Variants in MTRF1L observed in about 807,000 individuals in gnomAD.
MTRF1L encodes mitochondrial translation release factor 1 like.
In MTRF1L, 29 loss-of-function variants were observed where a neutral mutation model predicts 40.0. The observed-to-expected ratio is 0.73, with a 90% CI of 0.54 to 0.99. MTRF1L has a LOEUF of 0.99. Among genes scored for constraint, MTRF1L ranks in the 50% least tolerant of loss-of-function variants. MTRF1L has a pLI of 0.00. For synonymous variants in MTRF1L, 150 were observed against 175.8 expected (o/e 0.85, Z 1.16); for missense variants, 412 against 464.5 (o/e 0.89, Z 1.04).
chr6:152,991,510 G>A lies in MTRF1L; in HGVS notation c.806-189C>T, dbSNP rs1778515763. 8.4e-6 allele frequency: 5 copies of A among 593,412 alleles called. No homozygotes were observed. In the Admixed American group the frequency reaches 1.7e-4, roughly 20 times the overall value. The allele number at this position is 593,412 out of a possible 1,614,324, so 36.8% of individuals were successfully genotyped here. ...GTTTATCAGAAAACTGAAAATTTAAGTTTTGAGCAATAGCACAAATAGCAC... is the reference window on the plus strand; with the variant it reads ...GTTTATCAGAAAACTGAAAATTTAAATTTTGAGCAATAGCACAAATAGCAC... On this transcript the variant is annotated intron_variant, in intron 5 of 6. Coordinates refer to ENST00000367233, the MANE Select transcript of MTRF1L (RefSeq NM_019041.7).
intron 1 of MTRF1L, among the ~76,000 whole-genome samples, chr6:153,001,081 C>T (rs1398480746): frequency 1.3e-5 from 2 of 152,082 alleles, no homozygotes; most frequent in Non-Finnish European, 2.9e-5. Flanking sequence ...CCATGTTACC[C>T]AGGCTGGTCT....
chr6:152,992,279 T>C (rs1214815723), intron 5 of MTRF1L, among the ~76,000 whole-genome samples: 1 of 152,196 alleles, frequency 6.6e-6, no homozygotes, highest in African/African-American at 2.4e-5. Context: ...TGGTGATACC[T>C]GTGAAAGACG....
chr6:152,992,608 G>T (rs553029306), intron 5 of MTRF1L, among the ~76,000 whole-genome samples: 140 of 152,100 alleles, frequency 9.2e-4, no homozygotes, highest in African/African-American at 3.2e-3. Flanking sequence ...CACCTGAAAG[G>T]ACCATCCACA....
intron 4 of MTRF1L, among the ~76,000 whole-genome samples, chr6:152,994,218 T>C (rs573582962): frequency 4.6e-4 from 70 of 152,306 alleles, no homozygotes; most frequent in Middle Eastern, 3.4e-3. Context: ...CAGAAGTCAT[T>C]ATAAAGGCAA....
At chr6:152,998,365 T>A in intron 2 of MTRF1L, 185 bp downstream of exon 2, 1 of 418,066 alleles carries the variant, frequency 2.4e-6, no homozygotes, top group East Asian at 4.1e-5. Flanking sequence ...AAACATCACA[T>A]CATATACCTT....
At chr6:152,993,310 CAAATTTT>C (rs1221653822) in intron 4 of MTRF1L, among the ~76,000 whole-genome samples, 1 of 151,564 alleles carries the variant, frequency 6.6e-6, no homozygotes, top group Non-Finnish European at 1.5e-5. Context: ...AAGGTTTTTT[CAAATTTT>C]TCTGAGTTTA....
intron 2 of MTRF1L, 128 bp downstream of exon 2, chr6:152,998,422 A>G (rs535779902): frequency 1.5e-4 from 93 of 610,332 alleles, no homozygotes; most frequent in African/African-American, 9.8e-4. Flanking sequence ...ATAAATCTAG[A>G]AAATAAATTT....
Position 152,992,856 on chromosome 6 carries a change from C to A in MTRF1L, c.805+1G>T. ...CATATATTGAAGGAATAAGTACACA[C>A]CTGTTGGAAGATGAACTATCCGGAC... is the stretch of plus-strand genomic sequence containing the variant. On this transcript the variant is annotated splice_donor_variant, in intron 5 of 6. Coordinates refer to ENST00000367233, the MANE Select transcript of MTRF1L (RefSeq NM_019041.7). LOFTEE classifies it high-confidence loss of function. 1.2e-6 allele frequency: 2 copies of A among 1,607,908 alleles called. No individual in the cohort carries two copies. Among genetic ancestry groups the A allele is most frequent in the Non-Finnish European group, 1.7e-6 (2 of 1,176,580 alleles).
chr6:152,991,689 G>C (rs1276199257), intron 5 of MTRF1L, among the ~76,000 whole-genome samples: 2 of 152,120 alleles, frequency 1.3e-5, no homozygotes, highest in African/African-American at 4.8e-5. Context: ...TGGGATTACA[G>C]GTGCCCGCCA....
intron 1 of MTRF1L, among the ~76,000 whole-genome samples, chr6:153,001,181 C>CT (rs1380476162): frequency 6.6e-6 from 1 of 152,156 alleles, no homozygotes; most frequent in African/African-American, 2.4e-5. Flanking sequence ...CCAAGGATCT[C>CT]TTACTTCTTG....
intron 2 of MTRF1L, 79 bp downstream of exon 2, chr6:152,998,471 A>G: frequency 1.9e-6 from 2 of 1,050,234 alleles, no homozygotes; most frequent in Non-Finnish European, 2.7e-6. Context: ...CAAGCTAGTC[A>G]CTTGTTTTTA....
intron 3 of MTRF1L, 179 bp downstream of exon 3, chr6:152,994,957 T>C (rs770597512): frequency 7.4e-5 from 54 of 734,602 alleles, no homozygotes; most frequent in Non-Finnish European, 1.1e-4. Context: ...ATTGAAAGAC[T>C]CTCCATTAGA....
At chr6:152,996,515 G>C (rs1425887660) in intron 2 of MTRF1L, among the ~76,000 whole-genome samples, 1 of 152,054 alleles carries the variant, frequency 6.6e-6, no homozygotes, top group South Asian at 2.1e-4. Context: ...TAGGTTATAG[G>C]AACATTAATT....
intron 4 of MTRF1L, 106 bp from the exon 5 acceptor site, chr6:152,993,080 T>TG: frequency 1.2e-6 from 1 of 834,162 alleles, no homozygotes; most frequent in Non-Finnish European, 1.9e-6. Context: ...TTCATATATT[T>TG]GGGAGGTTTA....
chr6:152,992,726 C>T, intron 5 of MTRF1L, 131 bp downstream of exon 5: 1 of 684,906 alleles, frequency 1.5e-6, no homozygotes, highest in Non-Finnish European at 2.4e-6. Flanking sequence ...CTAAGTAAAT[C>T]AAATATTTAA....
rs548120034 is a variant in MTRF1L at position 152,994,902 on chromosome 6, C to G, written c.524-226G>C. On this transcript the variant is annotated intron_variant, in intron 3 of 6. Coordinates refer to ENST00000367233, the MANE Select transcript of MTRF1L (RefSeq NM_019041.7). The stretch of plus-strand genomic sequence containing the variant: ...TAATCAGTTGACATCAGTAACACAT[C>G]TAAGACTACTTTTAAAGACTGTTAG... 643 of 706,876 alleles carry G rather than the reference C, an allele frequency of 9.1e-4. 1 individual carries two copies. The highest frequency in any genetic ancestry group is 1.3e-3 in the Non-Finnish European group (544 of 432,188). 43.8% of individuals were successfully genotyped at this position (706,876 alleles called of 1,614,324 possible).
intron 1 of MTRF1L, among the ~76,000 whole-genome samples, chr6:153,000,109 G>A (rs193208307): frequency 2.6e-5 from 4 of 152,294 alleles, no homozygotes; most frequent in East Asian, 1.9e-4. Context: ...TAGCTTAATC[G>A]CTAAGGTACT....
chr6:152,992,309 T>C (rs1388384663), intron 5 of MTRF1L, among the ~76,000 whole-genome samples: 1 of 152,234 alleles, frequency 6.6e-6, no homozygotes, highest in Non-Finnish European at 1.5e-5. Flanking sequence ...AGCTACAGTA[T>C]ACTGGAGATT....
chr6:152,996,360 C>A (rs1778713805), intron 2 of MTRF1L, among the ~76,000 whole-genome samples: 1 of 152,164 alleles, frequency 6.6e-6, no homozygotes, highest in Non-Finnish European at 1.5e-5. Context: ...ATGGATTTTA[C>A]TTCTGTTTGT....
Sources: allele counts gnomAD v4.1 joint callset (sites outside exome capture counted in the v4.1 genomes callset), GRCh38; gene constraint gnomAD v4.1.1; transcripts MANE v1.5; gene names NCBI Gene and HGNC (gene_info 2026-07-23, HGNC 2026-07-21).